MYD88: variants seen among roughly 807,000 people sequenced by gnomAD.
MYD88 encodes the protein myeloid differentiation primary response protein MyD88.
MYD88 carries 15 observed loss-of-function variants against 31.1 expected under a neutral mutation model. The ratio of observed to expected loss-of-function variants is 0.48; its 90% confidence interval spans 0.32 to 0.74. The LOEUF (loss-of-function observed/expected upper bound fraction) is 0.74. Ranked by LOEUF, MYD88 falls within the 30% of genes least tolerant of loss-of-function variation. The pLI is 0.03. For missense variants in MYD88, 308 were observed against 387.4 expected (o/e 0.79, Z 1.72); for synonymous variants, 157 against 158.8 (o/e 0.99, Z 0.08).
Position 38,142,975 on chromosome 3 carries a change from A to T in MYD88, c.*1689A>T. ...CCATTCTTCCTATATCCTGGAATAT[A>T]TCTTGCATCCTGAGTTTATAATAAT... On this transcript the variant is annotated 3_prime_UTR_variant, in exon 5 of 5. Coordinates refer to ENST00000650905, the MANE Select transcript of MYD88 (RefSeq NM_002468.5). 1 of 233,104 alleles carries T rather than the reference A, an allele frequency of 4.3e-6. No homozygotes were observed. The highest frequency in any genetic ancestry group is 8.5e-6 in the Non-Finnish European group (1 of 117,928). 14.4% of individuals were successfully genotyped at this position (233,104 alleles called of 1,614,324 possible). A position where few individuals can be genotyped will look rare whatever the true frequency, so the allele number is the denominator to read the frequency against.
intron 4 of MYD88, 136 bp from the exon 5 acceptor site, chr3:38,140,996 G>A: frequency 1.4e-6 from 2 of 1,385,872 alleles, no homozygotes; most frequent in Non-Finnish European, 2.1e-6. Context: ...GCATGTGTGT[G>A]CCTTTTTGTG....
At position 38,140,408 on chromosome 3, in the gene MYD88, G is replaced by C. The variant is rs770424976; in HGVS notation, c.484G>C (p.Asp162His). 2.5e-6 allele frequency: 4 copies of C among 1,614,176 alleles called. No individual in the cohort carries two copies. Among genetic ancestry groups the C allele is most frequent in the Non-Finnish European group, 3.4e-6 (4 of 1,180,020 alleles). Residue 162 changes from aspartate (D) to histidine (H), a missense_variant, in exon 3 of 5, where the codon GAT (aspartate) becomes CAT (histidine). Transcript: ENST00000650905. ...DPLGHMPERF[D>H]AFICYCPSDI... ...CCCAGGGCATATGCCTGAGCGTTTC[G>C]ATGCCTTCATCTGCTATTGCCCCAG...
In MYD88 at chr3:38,140,767, A is replaced by G; in HGVS notation, c.655A>G (p.Met219Val). The G allele has an allele frequency of 1.2e-6, 2 of 1,614,122 alleles. No homozygotes were observed. ...SELIEKRCRRMVVVVSDDYLQ... is the reference protein window; with the variant it reads ...SELIEKRCRRVVVVVSDDYLQ... ...CCCACTCTCCCCTAGGTGCCGCCGG[A>G]TGGTGGTGGTTGTCTCTGATGATTA... Residue 219 changes from methionine to valine, a missense_variant, in exon 4 of 5, where the codon ATG becomes GTG. Transcript: ENST00000650905.
Position 38,142,037 on chromosome 3 carries a change from C to CGACCA in MYD88, c.*751_*752insGACCA. ...CTTTTCATTTCCACCTGTCAGGATGCCTGTGGTCATGCTCTCAGCTCCACC... is the reference window on the plus strand; with the variant it reads ...CTTTTCATTTCCACCTGTCAGGATGCGACCACTGTGGTCATGCTCTCAGCTCCACC... On this transcript the variant is annotated 3_prime_UTR_variant, in exon 5 of 5. Coordinates refer to ENST00000650905, the MANE Select transcript of MYD88 (RefSeq NM_002468.5). 8.5e-6 allele frequency: 2 copies of CGACCA among 235,966 alleles called. No homozygotes were observed. The highest frequency in any genetic ancestry group is 5.4e-5 in the Admixed American group (1 of 18,388). The allele number at this position is 235,966 out of a possible 1,614,324, so 14.6% of individuals were successfully genotyped here.
rs55864741 is a variant in MYD88 at position 38,142,324 on chromosome 3, ACT to A, written c.*1042_*1043del. On this transcript the variant is annotated 3_prime_UTR_variant, in exon 5 of 5. Coordinates refer to ENST00000650905, the MANE Select transcript of MYD88 (RefSeq NM_002468.5). ...CACACACATATATGTACAGACATGT[ACT>A]CTCACACACACAGGCACCAGCATAC... The A allele has an allele frequency of 3.9e-5, 9 of 233,278 alleles. No homozygotes were observed. The highest frequency in any genetic ancestry group is 3.6e-4 in the East Asian group (6 of 16,584). The allele number at this position is 233,278 out of a possible 1,614,324, so 14.5% of individuals were successfully genotyped here. A position where few individuals can be genotyped will look rare whatever the true frequency, so the allele number is the denominator to read the frequency against.
rs1340057597 is a variant in MYD88 at position 38,139,270 on chromosome 3, C to G, written c.328+242C>G. 1 of 591,142 alleles carries G rather than the reference C, an allele frequency of 1.7e-6. No homozygotes were observed. 36.6% of individuals were successfully genotyped at this position (591,142 alleles called of 1,614,324 possible). On this transcript the variant is annotated intron_variant, in intron 1 of 4. Transcript: ENST00000650905. The surrounding 1 kb of genome is among the most constrained non-coding windows in gnomAD (Gnocchi z 4.7). ...AGGAAGCAGCTTAGGCAGAGGCTTT[C>G]AGGTAGGGCCAGGAGTCAGAATCAG...
Position 38,139,394 on chromosome 3 carries a change from G to T in MYD88, c.328+366G>T, listed in dbSNP as rs1480796322. 4.8e-6 allele frequency: 2 copies of T among 417,272 alleles called. No homozygotes were observed. The highest frequency in any genetic ancestry group is 8.8e-6 in the Non-Finnish European group (2 of 227,430). The allele number at this position is 417,272 out of a possible 1,614,324, so 25.8% of individuals were successfully genotyped here. On this transcript the variant is annotated intron_variant, in intron 1 of 4. Coordinates refer to ENST00000650905, the MANE Select transcript of MYD88 (RefSeq NM_002468.5). This position sits in a 1 kb window ranked among gnomAD's most constrained non-coding sequence, Gnocchi z 4.7. Reference sequence around the variant, plus strand: ...TAGAAACCTCAAGTCCTGGGGAAATGCAGCCCTTCTTTCTACTCACTGGCA... The same window carrying T: ...TAGAAACCTCAAGTCCTGGGGAAATTCAGCCCTTCTTTCTACTCACTGGCA...
intron 4 of MYD88, 98 bp downstream of exon 4, chr3:38,140,946 C>T (rs1289815731): frequency 2.2e-6 from 3 of 1,373,038 alleles, no homozygotes; most frequent in Non-Finnish European, 3.1e-6. Context: ...GATGCAGTAC[C>T]AAAGAACTGC....
Position 38,138,994 on chromosome 3 carries a change from C to T in MYD88, c.294C>T (p.Arg98=), listed in dbSNP as rs757658854. 49 of 1,606,462 alleles carry T rather than the reference C, an allele frequency of 3.1e-5. No homozygotes were observed. The highest frequency in any genetic ancestry group is 3.6e-5 in the Non-Finnish European group (42 of 1,179,852). ...TCGAGCTGCTTACCAAGCTGGGCCG[C>T]GACGACGTGCTGCTGGAGCTGGGAC... ...RLLELLTKLG[R]DDVLLELGPS... The change falls in exon 1 of 5, where the codon CGC becomes CGT. Residue 98 remains arginine (R), a synonymous_variant. Coordinates refer to ENST00000650905, the MANE Select transcript of MYD88 (RefSeq NM_002468.5). This position sits in a 1 kb window ranked among gnomAD's most constrained non-coding sequence, Gnocchi z 6.4.
intron 2 of MYD88, 125 bp from the exon 3 acceptor site, chr3:38,140,263 C>A: frequency 8.5e-7 from 1 of 1,171,298 alleles, no homozygotes; most frequent in Non-Finnish European, 1.2e-6. Context: ...AGGGCACTTT[C>A]TCTGAGGAGT....
rs1461724609 is a variant in MYD88 at position 38,139,972 on chromosome 3, G to A, written c.437G>A (p.Gly146Asp). 1.9e-6 allele frequency: 3 copies of A among 1,613,604 alleles called. No individual in the cohort carries two copies. The highest frequency in any genetic ancestry group is 2.5e-6 in the Non-Finnish European group (3 of 1,179,890). ...SSVPRTAELA[G>D]ITTLDDPLGH... is the part of the protein sequence containing the mutation. ...GTCCCACGGACAGCAGAGCTGGCGG[G>A]CATCACCACACTTGATGACCCCCTG... Residue 146 changes from glycine to aspartate, a missense_variant, in exon 2 of 5, where the codon GGC (glycine) becomes GAC (aspartate). Coordinates refer to ENST00000650905, the MANE Select transcript of MYD88 (RefSeq NM_002468.5). This position sits in a 1 kb window ranked among gnomAD's most constrained non-coding sequence, Gnocchi z 4.7.
At position 38,139,758 on chromosome 3, in the gene MYD88, C is replaced by A; in HGVS notation, c.329-106C>A. 1 of 1,501,572 alleles carries A rather than the reference C, an allele frequency of 6.7e-7. No individual in the cohort carries two copies. Among genetic ancestry groups the A allele is most frequent in the Non-Finnish European group, 9.1e-7 (1 of 1,098,308 alleles). The allele number at this position is 1,501,572 out of a possible 1,614,324, so 93.0% of individuals were successfully genotyped here. On this transcript the variant is annotated intron_variant, in intron 1 of 4. Coordinates refer to ENST00000650905, the MANE Select transcript of MYD88 (RefSeq NM_002468.5). This position sits in a 1 kb window ranked among gnomAD's most constrained non-coding sequence, Gnocchi z 4.7. ...GGCACCAGTGAACTGGGGAAGCCCTCTAGAACAACCCAGCCAGAGGAGGTG... is the reference window on the plus strand; with the variant it reads ...GGCACCAGTGAACTGGGGAAGCCCTATAGAACAACCCAGCCAGAGGAGGTG...
chr3:38,139,906 A>G lies in MYD88; in HGVS notation c.371A>G (p.Glu124Gly), dbSNP rs139197817. The change falls in exon 2 of 5, where the codon GAG (glutamate) becomes GGG (glycine). Residue 124 changes from glutamate to glycine, a missense_variant. Physicochemically the swap from Glu to Gly is moderately conservative, Grantham distance 98. Coordinates refer to ENST00000650905, the MANE Select transcript of MYD88 (RefSeq NM_002468.5). The surrounding 1 kb of genome is among the most constrained non-coding windows in gnomAD (Gnocchi z 4.7). ...QKYILKQQQE[E>G]AEKPLQVAAV... The stretch of plus-strand genomic sequence containing the variant: ...TATATCTTGAAGCAGCAGCAGGAGG[A>G]GGCTGAGAAGCCTTTACAGGTGGCC... The G allele has an allele frequency of 1.2e-6, 2 of 1,613,522 alleles. No homozygotes were observed. Among genetic ancestry groups the G allele is most frequent in the Non-Finnish European group, 8.5e-7 (1 of 1,180,018 alleles).
rs542936080 is a variant in MYD88, at chr3:38,139,454, G to C, written c.329-410G>C. Reference sequence around the variant, plus strand: ...TATACATGCATAGGCGTTGGATACAGCCGCCCACAGACAGGCACACCTTGC... The same window carrying C: ...TATACATGCATAGGCGTTGGATACACCCGCCCACAGACAGGCACACCTTGC... On this transcript the variant is annotated intron_variant, in intron 1 of 4. Transcript: ENST00000650905. This position sits in a 1 kb window ranked among gnomAD's most constrained non-coding sequence, Gnocchi z 4.7. The C allele has an allele frequency of 7.6e-6, 3 of 396,044 alleles. No homozygotes were observed. Among genetic ancestry groups the C allele is most frequent in the African/African-American group, 6.1e-5 (3 of 49,284 alleles). The allele number at this position is 396,044 out of a possible 1,614,324, so 24.5% of individuals were successfully genotyped here.
rs537250529 is a variant in MYD88 at position 38,139,791 on chromosome 3, G to A, written c.329-73G>A. 27 of 1,595,866 alleles carry A rather than the reference G, an allele frequency of 1.7e-5. No individual in the cohort carries two copies. The highest frequency in any genetic ancestry group is 4.5e-5 in the East Asian group (2 of 44,762). On this transcript the variant is annotated intron_variant, in intron 1 of 4. Coordinates refer to ENST00000650905, the MANE Select transcript of MYD88 (RefSeq NM_002468.5). This position sits in a 1 kb window ranked among gnomAD's most constrained non-coding sequence, Gnocchi z 4.7. ...ACCCAGCCAGAGGAGGTGGGACAGC[G>A]GCTGGATCCTGACTGTGGGTAAAGA...
In MYD88 at chr3:38,140,920, C is replaced by T; in HGVS notation, c.736+72C>T. On this transcript the variant is annotated intron_variant, in intron 4 of 4. Transcript: ENST00000650905. Reference sequence around the variant, plus strand: ...GGGGCCTCTGGATTGTCAGCCTTCCCTCCCCAAGGACTGTGGATGCAGTAC... The same window carrying T: ...GGGGCCTCTGGATTGTCAGCCTTCCTTCCCCAAGGACTGTGGATGCAGTAC... The T allele has an allele frequency of 4.0e-6, 6 of 1,485,084 alleles. 1 individual carries two copies. The South Asian group carries it at 5.7e-5, about 14-fold the overall frequency. The allele number at this position is 1,485,084 out of a possible 1,614,324, so 92.0% of individuals were successfully genotyped here.
At chr3:38,140,925 C>A in intron 4 of MYD88, 77 bp downstream of exon 4, 1 of 1,464,992 alleles carries the variant, frequency 6.8e-7, no homozygotes, top group Non-Finnish European at 9.6e-7. Context: ...CTTCCCTCCC[C>A]AAGGACTGTG....
chr3:38,138,857 G>A lies in MYD88; in HGVS notation c.157G>A (p.Glu53Lys), dbSNP rs765198848. ...VAADWTALAE[E>K]MDFEYLEIRQ... ...GGCCGACTGGACCGCGCTGGCGGAG[G>A]AGATGGACTTTGAGTACTTGGAGAT... Residue 53 changes from glutamate (E) to lysine (K), a missense_variant, in exon 1 of 5, where the codon GAG becomes AAG. By Grantham distance (56) the Glu-to-Lys change is moderately conservative. Coordinates refer to ENST00000650905, the MANE Select transcript of MYD88 (RefSeq NM_002468.5). This position sits in a 1 kb window ranked among gnomAD's most constrained non-coding sequence, Gnocchi z 6.4. 1 of 1,613,878 alleles carries A rather than the reference G, an allele frequency of 6.2e-7. No individual in the cohort carries two copies. The highest frequency in any genetic ancestry group is 2.2e-5 in the East Asian group (1 of 44,886).
At chr3:38,140,933 G>A in intron 4 of MYD88, 85 bp downstream of exon 4, 3 of 1,418,170 alleles carry the variant, frequency 2.1e-6, no homozygotes, top group Non-Finnish European at 3.0e-6. Flanking sequence ...CCCAAGGACT[G>A]TGGATGCAGT....
Sources: gnomAD v4.1 joint callset for allele counts on GRCh38, gnomAD v4.1.1 for gene constraint, Gnocchi (gnomAD v3.1) non-coding constraint, MANE v1.5 for transcripts, NCBI Gene and HGNC (gene_info 2026-07-23, HGNC 2026-07-21) for gene names.